The following SH3RF3 variants were observed in gnomAD, a reference collection of about 807,000 sequenced individuals.
The protein encoded by SH3RF3 is E3 ubiquitin-protein ligase SH3RF3.
In SH3RF3, 29 loss-of-function variants were observed where a neutral mutation model predicts 66.3. The ratio of observed to expected loss-of-function variants is 0.44; its 90% CI spans 0.33 to 0.60. The LOEUF is 0.60. SH3RF3 is among the 20% of genes least tolerant of loss of function. The pLI, the probability that SH3RF3 is intolerant of heterozygous loss-of-function variation, is 0.04. For missense variants in SH3RF3, 1,194 were observed against 1,190.9 expected (o/e 1.00, Z -0.04); for synonymous variants, 583 against 532.0 (o/e 1.10, Z -1.32).
intron 1 of SH3RF3, among the ~76,000 whole-genome samples, chr2:109,301,443 G>C (rs948806079): frequency 6.6e-6 from 1 of 152,126 alleles, no homozygotes; most frequent in Non-Finnish European, 1.5e-5. Flanking sequence ...CTCCTCCGGG[G>C]ATTGCTGGCC....
At chr2:109,373,674 G>A (rs781648287) in intron 3 of SH3RF3, among the ~76,000 whole-genome samples, 1 of 152,156 alleles carries the variant, frequency 6.6e-6, no homozygotes, top group Non-Finnish European at 1.5e-5. Flanking sequence ...AGGAGGTTCT[G>A]GGCTGCAGAA....
chr2:109,430,997 AG>A (rs1000100533), intron 5 of SH3RF3, among the ~76,000 whole-genome samples: 6 of 152,200 alleles, frequency 3.9e-5, no homozygotes, highest in Admixed American at 2.0e-4. Context: ...ATGTTCGAAA[AG>A]GGGGGCAGAT....
intron 5 of SH3RF3, among the ~76,000 whole-genome samples, chr2:109,429,220 C>A (rs914702356): frequency 1.3e-5 from 2 of 152,180 alleles, no homozygotes; most frequent in African/African-American, 4.8e-5. Context: ...AGTTGACCCC[C>A]ACCCGGGCCA....
chr2:109,301,320 T>C (rs935545627), intron 1 of SH3RF3, among the ~76,000 whole-genome samples: 2 of 133,272 alleles, frequency 1.5e-5, no homozygotes, highest in African/African-American at 6.5e-5. Flanking sequence ...GGGGGCGGGC[T>C]GTGTATCTGT....
At chr2:109,388,544 A>G (rs933855264) in intron 3 of SH3RF3, among the ~76,000 whole-genome samples, 10 of 152,206 alleles carry the variant, frequency 6.6e-5, no homozygotes, top group African/African-American at 2.2e-4. Context: ...AGCTCTGTAG[A>G]GGGGTGAGAA....
intron 7 of SH3RF3, among the ~76,000 whole-genome samples, chr2:109,447,162 AAAAAAAG>A (rs945240327): frequency 3.3e-5 from 5 of 151,296 alleles, no homozygotes; most frequent in African/African-American, 1.2e-4. Context: ...AAAAAAAAAA[AAAAAAAG>A]AAAAGAAAAA....
At chr2:109,166,651 G>A (rs560991269) in intron 1 of SH3RF3, among the ~76,000 whole-genome samples, 2 of 152,262 alleles carry the variant, frequency 1.3e-5, no homozygotes, top group Non-Finnish European at 2.9e-5. Context: ...GAAGTCCTGA[G>A]CAGAAGGAAT....
At chr2:109,484,544 GCCCC>G (rs531393876) in intron 8 of SH3RF3, among the ~76,000 whole-genome samples, 13 of 152,016 alleles carry the variant, frequency 8.6e-5, no homozygotes, top group Non-Finnish European at 1.8e-4. Flanking sequence ...CTTGAGGCCC[GCCCC>G]CTCCTGTGGA....
chr2:109,246,018 A>G (rs936904925), intron 1 of SH3RF3, among the ~76,000 whole-genome samples: 3 of 152,246 alleles, frequency 2.0e-5, no homozygotes, highest in African/African-American at 2.4e-5. Context: ...AAAAAAGAGC[A>G]TGGATTTTTG....
In SH3RF3 at chr2:109,502,203, CGGAAGGGGCA is replaced by C. The variant is rs1480439223; in HGVS notation, c.*533_*542del. 1.3e-5 allele frequency: 2 copies of C among 149,462 alleles called. No individual in the cohort carries two copies. Among genetic ancestry groups the C allele is most frequent in the African/African-American group, 4.9e-5 (2 of 40,732 alleles). 9.3% of individuals were successfully genotyped at this position (149,462 alleles called of 1,614,324 possible). A position where few individuals can be genotyped will look rare whatever the true frequency, so the allele number is the denominator to read the frequency against. On this transcript the variant is annotated 3_prime_UTR_variant, in exon 10 of 10. Transcript: ENST00000309415. Reference sequence around the variant, plus strand: ...TGTTTGTGAGGCCCTGGGGGTGCCCCGGAAGGGGCACCCCACCGCCCCTGTTGGGAACCAG... The same window carrying C: ...TGTTTGTGAGGCCCTGGGGGTGCCCCCCCCACCGCCCCTGTTGGGAACCAG...
chr2:109,374,805 A>G (rs1017960945), intron 3 of SH3RF3, among the ~76,000 whole-genome samples: 1 of 152,204 alleles, frequency 6.6e-6, no homozygotes, highest in East Asian at 1.9e-4. Flanking sequence ...TATGGGGTTC[A>G]CCGAGGGACT....
rs1023968540 is a variant in SH3RF3 at position 109,414,083 on chromosome 2, G to C, written c.1300-5456G>C. Among the ~76,000 whole-genome samples, 3 of 152,176 alleles carry C rather than the reference G, an allele frequency of 2.0e-5. No homozygotes were observed. The South Asian group carries it at 6.2e-4, about 32-fold the overall frequency. On this transcript the variant is annotated intron_variant, in intron 4 of 9. Transcript: ENST00000309415. ...TCCCCTGGGCTATGGGTCTCCTTCT[G>C]TTTATTGGGCTGCCCCATCTTGGCC...
chr2:109,453,117 A>G (rs1412246455), intron 8 of SH3RF3, among the ~76,000 whole-genome samples: 1 of 152,138 alleles, frequency 6.6e-6, no homozygotes, highest in East Asian at 1.9e-4. Context: ...TGGGGATAAT[A>G]CAAGTGCAGA....
intron 1 of SH3RF3, among the ~76,000 whole-genome samples, chr2:109,198,533 C>A (rs1020775704): frequency 7.9e-5 from 12 of 152,140 alleles, no homozygotes; most frequent in Admixed American, 7.9e-4. Context: ...CAGCAGACAT[C>A]GATTTCTGTG....
chr2:109,353,332 G>A (rs7595313), intron 2 of SH3RF3, among the ~76,000 whole-genome samples: 19,805 of 152,268 alleles, frequency 0.13, 1,438 homozygotes, highest in Middle Eastern at 0.24. Flanking sequence ...TTTATAGCTC[G>A]ACCCTCGTCC....
chr2:109,294,013 G>A (rs1049309709), intron 1 of SH3RF3, among the ~76,000 whole-genome samples: 1 of 152,196 alleles, frequency 6.6e-6, no homozygotes, highest in African/African-American at 2.4e-5. Context: ...GCAGCTGGTT[G>A]TGTCACATCC....
chr2:109,430,591 C>T (rs1290218721), intron 5 of SH3RF3, among the ~76,000 whole-genome samples: 4 of 152,192 alleles, frequency 2.6e-5, no homozygotes, highest in Admixed American at 2.0e-4. Context: ...CTCCTCCCCT[C>T]CAGCTTCCCT....
intron 8 of SH3RF3, among the ~76,000 whole-genome samples, chr2:109,456,243 G>C (rs1008069741): frequency 6.6e-6 from 1 of 152,198 alleles, no homozygotes; most frequent in African/African-American, 2.4e-5. Context: ...AGAAGGGGTC[G>C]CAGAGTCAGC....
chr2:109,263,278 T>A (rs373858197), intron 1 of SH3RF3, among the ~76,000 whole-genome samples: 32 of 152,384 alleles, frequency 2.1e-4, no homozygotes, highest in African/African-American at 7.5e-4. Context: ...TGTGGTCACT[T>A]GATTTTAGCC....
Sources: allele counts gnomAD v4.1 joint callset (sites outside exome capture counted in the v4.1 genomes callset), GRCh38; gene constraint gnomAD v4.1.1; transcripts MANE v1.5; gene names NCBI Gene and HGNC (gene_info 2026-07-23, HGNC 2026-07-21).